Variants in HCN1 observed in about 807,000 individuals in gnomAD.
HCN1 encodes hyperpolarization activated cyclic nucleotide gated potassium channel 1.
HCN1 carries 13 observed loss-of-function variants against 78.9 expected under a neutral mutation model. The ratio of observed to expected loss-of-function variants is 0.16; its 90% CI spans 0.11 to 0.26. HCN1 has a LOEUF of 0.26. Among genes scored for constraint, HCN1 ranks in the 10% least tolerant of loss-of-function variants. HCN1 has a pLI of 1.00. For missense variants in HCN1, 810 were observed against 1,154.3 expected (o/e 0.70, Z 4.32); for synonymous variants, 552 against 455.5 (o/e 1.21, Z -2.70).
chr5:45,274,012 G>T (rs1349917719), intron 6 of HCN1, among the ~76,000 whole-genome samples: 1 of 152,022 alleles, frequency 6.6e-6, no homozygotes, highest in Non-Finnish European at 1.5e-5. Flanking sequence ...AAATTTTTTA[G>T]TATTTGATTG....
In HCN1 at chr5:45,285,958, T is replaced by C. The variant is rs540599796; in HGVS notation, c.1618+17641A>G. The stretch of plus-strand genomic sequence containing the variant: ...CATCTTCTCTGATAAACTTTCTTTA[T>C]AGTTTGGGGAGACAAACACACACGG... On this transcript the variant is annotated intron_variant, in intron 6 of 7. Transcript: ENST00000303230. Among the ~76,000 whole-genome samples, 7 of 152,024 alleles carry C rather than the reference T, an allele frequency of 4.6e-5. No individual in the cohort carries two copies. The South Asian group carries it at 1.2e-3, about 27-fold the overall frequency.
chr5:45,648,631 G>A (rs1745618548), intron 1 of HCN1, among the ~76,000 whole-genome samples: 1 of 152,004 alleles, frequency 6.6e-6, no homozygotes, highest in Non-Finnish European at 1.5e-5. Flanking sequence ...TTGACCTCAT[G>A]AAAATCTCTT....
At chr5:45,576,669 T>C (rs1307170558) in intron 2 of HCN1, 1 of 152,116 alleles carries the variant, frequency 6.6e-6, no homozygotes, top group Non-Finnish European at 1.5e-5. Context: ...GTATGTATAT[T>C]TTGTAGAGAT....
At chr5:45,641,199 A>G (rs1460943953) in intron 2 of HCN1, among the ~76,000 whole-genome samples, 1 of 152,212 alleles carries the variant, frequency 6.6e-6, no homozygotes, top group Non-Finnish European at 1.5e-5. Flanking sequence ...TGTATTGTAT[A>G]ATTATAGATA....
chr5:45,375,464 G>C lies in HCN1; in HGVS notation c.1230+21028C>G, dbSNP rs188521833. Reference sequence around the variant, plus strand: ...TAAGATCATATTTTATGATACATATGATATATAAGATCATATTTTATGATA... The same window carrying C: ...TAAGATCATATTTTATGATACATATCATATATAAGATCATATTTTATGATA... On this transcript the variant is annotated intron_variant, in intron 4 of 7. Transcript: ENST00000303230. Among the ~76,000 whole-genome samples, 154 of 62,294 alleles carry C rather than the reference G, an allele frequency of 2.5e-3. 1 individual carries two copies. The highest frequency in any genetic ancestry group is 0.012 in the African/African-American group (149 of 12,082). The allele number at this position is 62,294 out of a possible 152,430, so 40.9% of individuals were successfully genotyped here.
intron 6 of HCN1, among the ~76,000 whole-genome samples, chr5:45,294,019 C>T (rs1163422156): frequency 6.6e-6 from 1 of 151,978 alleles, no homozygotes; most frequent in African/African-American, 2.4e-5. Flanking sequence ...GCTGCCTCTT[C>T]TTCCTGCTCC....
At chr5:45,614,828 T>G (rs1744910266) in intron 2 of HCN1, among the ~76,000 whole-genome samples, 1 of 152,034 alleles carries the variant, frequency 6.6e-6, no homozygotes, top group African/African-American at 2.4e-5. Context: ...TTACCCCACT[T>G]CCATATTTCA....
chr5:45,342,278 G>GGCT (rs1746599181), intron 5 of HCN1, among the ~76,000 whole-genome samples: 1 of 149,592 alleles, frequency 6.7e-6, no homozygotes, highest in South Asian at 2.1e-4. Context: ...CTGTCACTGA[G>GGCT]GCAGCAGTGC....
chr5:45,479,413 A>C (rs1741594851), intron 2 of HCN1, among the ~76,000 whole-genome samples: 1 of 152,230 alleles, frequency 6.6e-6, no homozygotes, highest in Non-Finnish European at 1.5e-5. Flanking sequence ...TAGGAATACC[A>C]TCCCTTTAAC....
At chr5:45,340,598 C>T (rs1746557143) in intron 5 of HCN1, among the ~76,000 whole-genome samples, 1 of 151,998 alleles carries the variant, frequency 6.6e-6, no homozygotes, top group Admixed American at 6.6e-5. Flanking sequence ...TGAAATTCTG[C>T]TTTTCTTGTG....
intron 5 of HCN1, among the ~76,000 whole-genome samples, chr5:45,315,719 T>C (rs968419102): frequency 1.3e-5 from 2 of 151,832 alleles, no homozygotes; most frequent in African/African-American, 2.4e-5. Context: ...CAATAAAAAA[T>C]GGTAAAGGGG....
chr5:45,376,319 A>G (rs989856600), intron 4 of HCN1, among the ~76,000 whole-genome samples: 130 of 3,054 alleles, frequency 0.043, 3 homozygotes, highest in African/African-American at 0.084. Flanking sequence ...AATATGTTAT[A>G]TTACATATAT....
chr5:45,355,713 G>A (rs756695283), intron 4 of HCN1, among the ~76,000 whole-genome samples: 21 of 151,874 alleles, frequency 1.4e-4, no homozygotes, highest in Non-Finnish European at 2.8e-4. Flanking sequence ...GCTAAAAAGT[G>A]GAACTTATGT....
chr5:45,642,002 C>T (rs962316770), intron 2 of HCN1: 8 of 152,102 alleles, frequency 5.3e-5, no homozygotes, highest in African/African-American at 1.9e-4. Context: ...TGTCTTTAAA[C>T]ACAATAACAA....
intron 1 of HCN1, among the ~76,000 whole-genome samples, chr5:45,649,362 T>C (rs1045749574): frequency 7.9e-5 from 12 of 151,958 alleles, no homozygotes; most frequent in African/African-American, 2.9e-4. Context: ...CTCCCCATTA[T>C]CAACATCCCC....
At chr5:45,350,865 G>T (rs556959802) in intron 5 of HCN1, among the ~76,000 whole-genome samples, 2 of 152,280 alleles carry the variant, frequency 1.3e-5, no homozygotes, top group South Asian at 2.1e-4. Flanking sequence ...ACTGCTCAAT[G>T]AAGTAAAAGA....
intron 6 of HCN1, among the ~76,000 whole-genome samples, chr5:45,274,488 AAAAGAGTGCCTATAAAACAGTGCCTAT>A (rs915256179): frequency 9.9e-5 from 15 of 152,208 alleles, no homozygotes; most frequent in African/African-American, 3.1e-4. Context: ...CAGTGCCTGT[AAAAGAGTGCCTATAAAACAGTGCCTAT>A]AAAGAGTGCC....
chr5:45,311,561 T>A (rs1053140826), intron 5 of HCN1, among the ~76,000 whole-genome samples: 1 of 152,208 alleles, frequency 6.6e-6, no homozygotes, highest in Non-Finnish European at 1.5e-5. Flanking sequence ...TTAAGTTAAA[T>A]GATATTAAGT....
At position 45,258,679 on chromosome 5, in the gene HCN1, C is replaced by A. The variant is rs930452227; in HGVS notation, c.*3242G>T. ...GGCTATAAATATGAATATATTTATACAAACCTATTTTGTTATAATAGGGCC... is the reference window on the plus strand; with the variant it reads ...GGCTATAAATATGAATATATTTATAAAAACCTATTTTGTTATAATAGGGCC... On this transcript the variant is annotated 3_prime_UTR_variant, in exon 8 of 8. Transcript: ENST00000303230. The A allele has an allele frequency of 6.6e-6, 1 of 151,946 alleles. No individual in the cohort carries two copies. The highest frequency in any genetic ancestry group is 2.1e-4 in the South Asian group (1 of 4,834). The allele number at this position is 151,946 out of a possible 1,614,324, so 9.4% of individuals were successfully genotyped here. A position where few individuals can be genotyped will look rare whatever the true frequency, so the allele number is the denominator to read the frequency against.
Sources: allele counts gnomAD v4.1 joint callset (sites outside exome capture counted in the v4.1 genomes callset), GRCh38; gene constraint gnomAD v4.1.1; transcripts MANE v1.5; gene names NCBI Gene and HGNC (gene_info 2026-07-23, HGNC 2026-07-21).